Variants in MCRIP1 observed in about 807,000 individuals in gnomAD.
The protein encoded by MCRIP1 is mapk-regulated corepressor-interacting protein 1.
A neutral mutation model predicts 14.4 loss-of-function variants in MCRIP1; 10 were observed. The observed-to-expected ratio is 0.70, with a 90% confidence interval of 0.43 to 1.18. The LOEUF is 1.18. Among genes scored for constraint, MCRIP1 ranks in the 50% most tolerant of loss-of-function variants. The probability of loss-of-function intolerance (pLI) is 0.00; values close to 1 mark genes in which losing one functional copy is unlikely to be tolerated. For synonymous variants in MCRIP1, 53 were observed against 55.7 expected, an observed-to-expected ratio of 0.95 and a Z score of 0.21; for missense variants, 119 against 135.4, an observed-to-expected ratio of 0.88 and a Z score of 0.60.
chr17:81,828,603 C>A (rs2038458843), intron 1 of MCRIP1, among the ~76,000 whole-genome samples: 2 of 152,134 alleles, frequency 1.3e-5, no homozygotes, highest in Non-Finnish European at 2.9e-5. Context: ...GCACACCTGG[C>A]CTATTCCCAT....
Position 81,824,513 on chromosome 17 carries a change from G to A in MCRIP1, c.-7C>T, listed in dbSNP as rs1274584916. ...CTGAGACCCACCTGGTCATCGCGGG[G>A]GCGTCTGATCCTAGCGCTCCACCGC... On this transcript the variant is annotated 5_prime_UTR_variant, in exon 2 of 5. Transcript: ENST00000455127. The A allele has an allele frequency of 1.3e-6, 2 of 1,536,116 alleles. No homozygotes were observed. Among genetic ancestry groups the A allele is most frequent in the Admixed American group, 3.9e-5 (2 of 50,992 alleles).
chr17:81,825,724 G>A, intron 1 of MCRIP1: 1 of 1,289,306 alleles, frequency 7.8e-7, no homozygotes, highest in Non-Finnish European at 1.0e-6. Context: ...CCAGGAGTGA[G>A]GTCCAAAAAG....
At chr17:81,828,905 G>A (rs1302871204) in intron 1 of MCRIP1, among the ~76,000 whole-genome samples, 2 of 152,230 alleles carry the variant, frequency 1.3e-5, no homozygotes, top group Admixed American at 6.5e-5. Context: ...CTAGCATAGT[G>A]AGGCACACAG....
rs2038398037 is a variant in MCRIP1, at chr17:81,826,424, G to A, written c.-48-1870C>T. The A allele has an allele frequency of 3.9e-6, 6 of 1,521,750 alleles. No homozygotes were observed. The African/African-American group carries it at 5.5e-5, about 14-fold the overall frequency. The allele number at this position is 1,521,750 out of a possible 1,614,324, so 94.3% of individuals were successfully genotyped here. ...TTGTAGTCCCAGCTACTCAGAGGCT[G>A]GGGTGGGAGGACTGCTTGAGCCCAG... On this transcript the variant is annotated intron_variant, in intron 1 of 4. Coordinates refer to ENST00000455127, the MANE Select transcript of MCRIP1 (RefSeq NM_207368.5).
At chr17:81,825,785 C>G in intron 1 of MCRIP1, 1 of 1,289,454 alleles carries the variant, frequency 7.8e-7, no homozygotes, top group Non-Finnish European at 1.0e-6. Context: ...ACAAAGTCAC[C>G]TCTCCTTTCT....
rs1598257771 is a variant in MCRIP1, at chr17:81,833,284, C to T, written c.-95G>A. ...CGCCTCTTCCAGCTGGGAGGCCCCG[C>T]CGGAAGTGACGCCACCGCGGGCTGC... On this transcript the variant is annotated 5_prime_UTR_variant, in exon 1 of 5. Coordinates refer to ENST00000455127, the MANE Select transcript of MCRIP1 (RefSeq NM_207368.5). The T allele has an allele frequency of 6.6e-6, 1 of 152,482 alleles. No homozygotes were observed. The highest frequency in any genetic ancestry group is 6.5e-5 in the Admixed American group (1 of 15,270). 9.4% of individuals were successfully genotyped at this position (152,482 alleles called of 1,614,324 possible).
chr17:81,823,542 G>C lies in MCRIP1; in HGVS notation c.128-29C>G. On this transcript the variant is annotated intron_variant, in intron 3 of 4. Coordinates refer to ENST00000455127, the MANE Select transcript of MCRIP1 (RefSeq NM_207368.5). The surrounding 1 kb of genome is among the most constrained non-coding windows in gnomAD (Gnocchi z 6.0). The stretch of plus-strand genomic sequence containing the variant: ...CAGAGGCAGAGAGTGGTGTGCTCAG[G>C]GCCCCCTGCCCCAGGGGGTGGCATC... The C allele has an allele frequency of 6.5e-7, 1 of 1,528,792 alleles. No individual in the cohort carries two copies. Among genetic ancestry groups the C allele is most frequent in the Non-Finnish European group, 8.8e-7 (1 of 1,140,952 alleles). 94.7% of individuals were successfully genotyped at this position (1,528,792 alleles called of 1,614,324 possible). A position where few individuals can be genotyped will look rare whatever the true frequency, so the allele number is the denominator to read the frequency against.
chr17:81,828,226 T>G (rs2038449626), intron 1 of MCRIP1, among the ~76,000 whole-genome samples: 1 of 152,096 alleles, frequency 6.6e-6, no homozygotes, highest in East Asian at 1.9e-4. Flanking sequence ...TCCCTACTTC[T>G]TCCTCCAGCT....
Position 81,824,357 on chromosome 17 carries a change from G to A in MCRIP1, c.57C>T (p.Pro19=), listed in dbSNP as rs1041566416. 6.5e-7 allele frequency: 1 copy of A among 1,531,680 alleles called. No homozygotes were observed. The highest frequency in any genetic ancestry group is 8.7e-7 in the Non-Finnish European group (1 of 1,144,910). 94.9% of individuals were successfully genotyped at this position (1,531,680 alleles called of 1,614,324 possible). A position where few individuals can be genotyped will look rare whatever the true frequency, so the allele number is the denominator to read the frequency against. Residue 19 remains proline, a synonymous_variant, in exon 3 of 5, where the codon CCC becomes CCT. Coordinates refer to ENST00000455127, the MANE Select transcript of MCRIP1 (RefSeq NM_207368.5). ...TCTCGCTGCTGCTGGGTGGGGAGCG[G>A]GGGCTGCTGGTCCTCTTGCCGTTGT... The part of the protein sequence containing the change: ...VVYNGKRTSS[P]RSPPSSSEIF...
intron 1 of MCRIP1, chr17:81,825,168 C>A: frequency 9.6e-7 from 1 of 1,039,836 alleles, no homozygotes; most frequent in Non-Finnish European, 1.2e-6. Flanking sequence ...TCCAGCTCCC[C>A]TGGTGGGCAG....
chr17:81,829,125 G>A (rs1407484688), intron 1 of MCRIP1, among the ~76,000 whole-genome samples: 2 of 152,194 alleles, frequency 1.3e-5, no homozygotes, highest in Admixed American at 1.3e-4. Flanking sequence ...GAGAAGCGCC[G>A]GGGGCAGCCG....
chr17:81,829,815 T>G (rs2038481916), intron 1 of MCRIP1, among the ~76,000 whole-genome samples: 1 of 152,120 alleles, frequency 6.6e-6, no homozygotes, highest in African/African-American at 2.4e-5. Context: ...AACCTCCAGT[T>G]CCAGACACCC....
intron 1 of MCRIP1, among the ~76,000 whole-genome samples, chr17:81,827,788 T>C (rs939280776): frequency 8.8e-5 from 13 of 146,898 alleles, no homozygotes; most frequent in African/African-American, 2.8e-4. Flanking sequence ...TTTTTTTTTT[T>C]TTTTTTTTTT....
rs1567823881 is a variant in MCRIP1, at chr17:81,824,217, G to C, written c.127+70C>G. 4 of 1,284,192 alleles carry C rather than the reference G, an allele frequency of 3.1e-6. No homozygotes were observed. The East Asian group carries it at 7.5e-5, about 24-fold the overall frequency. The allele number at this position is 1,284,192 out of a possible 1,614,324, so 79.5% of individuals were successfully genotyped here. A position where few individuals can be genotyped will look rare whatever the true frequency, so the allele number is the denominator to read the frequency against. ...CCGCAGGAGGTTCCTCGGAGCGTGG[G>C]TCCTGGGCTGGGGGCAGAGCTGACT... is the stretch of plus-strand genomic sequence containing the variant. On this transcript the variant is annotated intron_variant, in intron 3 of 4. Transcript: ENST00000455127.
At chr17:81,832,349 G>A (rs1314645438) in intron 1 of MCRIP1, among the ~76,000 whole-genome samples, 1 of 152,104 alleles carries the variant, frequency 6.6e-6, no homozygotes, top group Non-Finnish European at 1.5e-5. Flanking sequence ...CCCCTGGGTG[G>A]TGGCAGCAAC....
intron 1 of MCRIP1, chr17:81,826,204 G>A (rs937544412): frequency 4.6e-6 from 7 of 1,516,964 alleles, no homozygotes; most frequent in African/African-American, 4.1e-5. Context: ...CTACCCTTCC[G>A]GGGCTCCCTT....
At chr17:81,829,695 A>G (rs925899459) in intron 1 of MCRIP1, among the ~76,000 whole-genome samples, 1 of 152,172 alleles carries the variant, frequency 6.6e-6, no homozygotes, top group African/African-American at 2.4e-5. Flanking sequence ...CTCCTGGCCC[A>G]GGACCACCCT....
chr17:81,826,459 G>T, intron 1 of MCRIP1: 2 of 1,278,802 alleles, frequency 1.6e-6, no homozygotes, highest in Non-Finnish European at 1.1e-6. Flanking sequence ...GGAGGTCAAG[G>T]CTGCAGGGAG....
chr17:81,826,225 GCACACACA>G (rs537758024), intron 1 of MCRIP1: 4 of 1,380,746 alleles, frequency 2.9e-6, no homozygotes, highest in Non-Finnish European at 3.9e-6. Context: ...TGCCTTGTGT[GCACACACA>G]CACACACACA....
Sources: allele counts gnomAD v4.1 joint callset (sites outside exome capture counted in the v4.1 genomes callset), GRCh38; gene constraint gnomAD v4.1.1; non-coding constraint Gnocchi (gnomAD v3.1); transcripts MANE v1.5; gene names NCBI Gene and HGNC (gene_info 2026-07-23, HGNC 2026-07-21).